The following STRIP2 variants were observed in gnomAD, a reference collection of about 807,000 sequenced individuals.
The protein encoded by STRIP2 is striatin-interacting protein 2.
Under a neutral mutation model 107.1 loss-of-function variants are expected in STRIP2, and 84 were observed. The observed-to-expected ratio is 0.78, with a 90% CI of 0.66 to 0.94. STRIP2 has a LOEUF of 0.94. Among genes scored for constraint, STRIP2 ranks in the 40% least tolerant of loss-of-function variants. The pLI is 0.00. For missense variants in STRIP2, 888 were observed against 1,034.2 expected (o/e 0.86, Z 1.94); for synonymous variants, 394 against 400.4 (o/e 0.98, Z 0.19).
chr7:129,441,375 C>CT (rs1290504435), intron 2 of STRIP2, among the ~76,000 whole-genome samples: 2 of 152,062 alleles, frequency 1.3e-5, no homozygotes, highest in East Asian at 3.8e-4. Context: ...GATATCCACT[C>CT]TAAAGAAAAT....
At position 129,456,619 on chromosome 7, in the gene STRIP2, C is replaced by T. The variant is rs1019680018; in HGVS notation, c.1015C>T (p.Arg339Ter). ...SQLAPPPSKL[R>*]GRRGSRRQLL... ...GCTGGCACCCCCACCCTCCAAGCTG[C>T]GAGGCCGCCGTGGCTCTCGAAGGGT... The change falls in exon 9 of 21, where the codon CGA becomes TGA. Residue 339 changes from arginine (R) to a stop codon, truncating the protein, a stop_gained. Coordinates refer to ENST00000249344, the MANE Select transcript of STRIP2 (RefSeq NM_020704.3). LOFTEE classifies it high-confidence loss of function. 41 of 1,613,844 alleles carry T rather than the reference C, an allele frequency of 2.5e-5. No homozygotes were observed. Among genetic ancestry groups the T allele is most frequent in the East Asian group, 8.9e-5 (4 of 44,888 alleles).
rs1798194487 is a variant in STRIP2, at chr7:129,451,602, T to G, written c.275-11T>G. On this transcript the variant is annotated splice_polypyrimidine_tract_variant and intron_variant, in intron 3 of 20. Transcript: ENST00000249344. The stretch of plus-strand genomic sequence containing the variant: ...AGCTGACACTGGATGTATATGGCCT[T>G]TTATTCCCAGTGCAGGGCAAGGAAT... 1 of 1,613,928 alleles carries G rather than the reference T, an allele frequency of 6.2e-7. No individual in the cohort carries two copies. Among genetic ancestry groups the G allele is most frequent in the African/African-American group, 1.3e-5 (1 of 74,908 alleles).
In STRIP2 at chr7:129,487,337, A is replaced by G. The variant is rs1415016754; in HGVS notation, c.*1508A>G. On this transcript the variant is annotated 3_prime_UTR_variant, in exon 21 of 21. Transcript: ENST00000249344. ...GCCTCTTCAAGCTTTTTTACTATAC[A>G]TGTTGCCCCTCTCCCCCAACTTAGG... 2.0e-5 allele frequency: 3 copies of G among 151,822 alleles called. No homozygotes were observed. Among genetic ancestry groups the G allele is most frequent in the South Asian group, 2.1e-4 (1 of 4,814 alleles). The allele number at this position is 151,822 out of a possible 1,614,324, so 9.4% of individuals were successfully genotyped here.
chr7:129,463,832 C>T (rs1485185442), intron 14 of STRIP2, among the ~76,000 whole-genome samples: 1 of 152,216 alleles, frequency 6.6e-6, no homozygotes, highest in Admixed American at 6.5e-5. Context: ...AGCCAATGCA[C>T]TCCCTCTGGC....
At position 129,483,772 on chromosome 7, in the gene STRIP2, G is replaced by C. The variant is rs926692428; in HGVS notation, c.2254+726G>C. 4.0e-5 allele frequency: 6 copies of C among 151,786 alleles called. No homozygotes were observed. The highest frequency in any genetic ancestry group is 2.1e-4 in the South Asian group (1 of 4,802). 9.4% of individuals were successfully genotyped at this position (151,786 alleles called of 1,614,324 possible). A position where few individuals can be genotyped will look rare whatever the true frequency, so the allele number is the denominator to read the frequency against. On this transcript the variant is annotated intron_variant, in intron 20 of 20. Transcript: ENST00000249344. This position sits in a 1 kb window ranked among gnomAD's most constrained non-coding sequence, Gnocchi z 5.1. ...TTTTGTTTGTTTGTTTTTTTGAGAG[G>C]GTCGCTCTGTCACCCAGGCTGGAAA...
At chr7:129,453,670 A>G (rs1562901062) in intron 5 of STRIP2, among the ~76,000 whole-genome samples, 1 of 152,208 alleles carries the variant, frequency 6.6e-6, no homozygotes, top group Admixed American at 6.5e-5. Flanking sequence ...CAAGAGGGAA[A>G]CTATTTTGAA....
Position 129,488,070 on chromosome 7 carries a change from T to C in STRIP2, c.*2241T>C, listed in dbSNP as rs1799276658. On this transcript the variant is annotated 3_prime_UTR_variant, in exon 21 of 21. Transcript: ENST00000249344. ...AGCCCCATATATTAAGGTAACCAGGTTGAATCTTCCAATTTGAGAACCCAT... is the reference window on the plus strand; with the variant it reads ...AGCCCCATATATTAAGGTAACCAGGCTGAATCTTCCAATTTGAGAACCCAT... 6.6e-6 allele frequency: 1 copy of C among 152,160 alleles called. No homozygotes were observed. Among genetic ancestry groups the C allele is most frequent in the Non-Finnish European group, 1.5e-5 (1 of 68,036 alleles). The allele number at this position is 152,160 out of a possible 1,614,324, so 9.4% of individuals were successfully genotyped here.
chr7:129,460,674 A>G (rs1449292962), intron 13 of STRIP2: 2 of 354,688 alleles, frequency 5.6e-6, no homozygotes, highest in Non-Finnish European at 1.1e-5. Context: ...ACCTCTGAGA[A>G]GGTGACATTT....
chr7:129,475,568 C>CTTTTTTTTTT (rs1193913684), intron 18 of STRIP2, among the ~76,000 whole-genome samples: 2 of 99,306 alleles, frequency 2.0e-5, no homozygotes, highest in East Asian at 3.8e-4. Flanking sequence ...TTTTTTTTTT[C>CTTTTTTTTTT]TTTTTATTTT....
chr7:129,442,559 A>G (rs1797929327), intron 2 of STRIP2, among the ~76,000 whole-genome samples: 1 of 152,196 alleles, frequency 6.6e-6, no homozygotes, highest in Admixed American at 6.5e-5. Flanking sequence ...ACCTGTATAT[A>G]AAAATTCATA....
intron 18 of STRIP2, among the ~76,000 whole-genome samples, chr7:129,475,721 G>T (rs1186609904): frequency 1.3e-5 from 2 of 152,154 alleles, no homozygotes; most frequent in African/African-American, 4.8e-5. Context: ...GCCTACCGCA[G>T]TGTTTGTGTC....
intron 14 of STRIP2, 43 bp from the exon 15 acceptor site, chr7:129,464,001 G>C (rs1423258314): frequency 1.3e-6 from 2 of 1,508,332 alleles, no homozygotes; most frequent in African/African-American, 2.7e-5. Context: ...TCCTTGCTGA[G>C]TGGGTTTGAC....
chr7:129,446,159 T>C (rs927996048), intron 3 of STRIP2, among the ~76,000 whole-genome samples: 2 of 152,166 alleles, frequency 1.3e-5, no homozygotes, highest in African/African-American at 4.8e-5. Flanking sequence ...ACTTTGCTCA[T>C]GGGCCCATTG....
intron 16 of STRIP2, 143 bp downstream of exon 16, chr7:129,464,881 A>G: frequency 9.2e-7 from 1 of 1,084,654 alleles, no homozygotes; most frequent in African/African-American, 1.6e-5. Flanking sequence ...CCAGCCACCC[A>G]TTGCATGAGC....
intron 2 of STRIP2, among the ~76,000 whole-genome samples, chr7:129,441,906 A>G (rs1584934179): frequency 6.6e-6 from 1 of 152,194 alleles, no homozygotes; most frequent in East Asian, 1.9e-4. Flanking sequence ...GTGAGCCACC[A>G]CACCTGGCCT....
rs1254210319 is a variant in STRIP2, at chr7:129,476,193, G to GC, written c.1945-4586dup. Among the ~76,000 whole-genome samples the GC allele has an allele frequency of 9.1e-4, 136 of 149,114 alleles. 1 individual carries two copies. The highest frequency in any genetic ancestry group is 3.3e-3 in the African/African-American group (133 of 40,392). ...CGGGGCGGCTGGCCGGGCGGGGGCT[G>GC]CCCCCCACCTCCCTCCCGGACGGGG... On this transcript the variant is annotated intron_variant, in intron 18 of 20. Coordinates refer to ENST00000249344, the MANE Select transcript of STRIP2 (RefSeq NM_020704.3).
intron 1 of STRIP2, among the ~76,000 whole-genome samples, chr7:129,439,499 A>G (rs1797840530): frequency 6.6e-6 from 1 of 152,240 alleles, no homozygotes; most frequent in Admixed American, 6.5e-5. Context: ...TGTAATCTTT[A>G]CTACAACTTG....
At chr7:129,467,521 G>A in intron 17 of STRIP2, 71 bp downstream of exon 17, 2 of 1,114,594 alleles carry the variant, frequency 1.8e-6, no homozygotes, top group Non-Finnish European at 2.6e-6. Context: ...TCATCTCGGA[G>A]CCTTTCAGTT....
chr7:129,484,834 C>G (rs1799206495), intron 20 of STRIP2, among the ~76,000 whole-genome samples: 1 of 152,156 alleles, frequency 6.6e-6, no homozygotes, highest in African/African-American at 2.4e-5. Flanking sequence ...ATTATGAGCC[C>G]AAACTCACAC....
Sources: gnomAD v4.1 joint callset for allele counts (sites outside exome capture counted in the v4.1 genomes callset) on GRCh38, gnomAD v4.1.1 for gene constraint, Gnocchi (gnomAD v3.1) non-coding constraint, MANE v1.5 for transcripts, NCBI Gene and HGNC (gene_info 2026-07-23, HGNC 2026-07-21) for gene names.